The following FOXP2 variants were observed in gnomAD, a reference collection of about 807,000 sequenced individuals.
The protein encoded by FOXP2 is forkhead box protein P2.
In FOXP2, 12 loss-of-function variants were observed where a neutral mutation model predicts 115.8. The ratio of observed to expected loss-of-function variants is 0.10; its 90% CI spans 0.07 to 0.17. The LOEUF is 0.17. Among genes scored for constraint, FOXP2 ranks in the 10% least tolerant of loss-of-function variants. FOXP2 has a pLI of 1.00. For missense variants in FOXP2, 629 were observed against 843.5 expected (o/e 0.75, Z 3.15); for synonymous variants, 328 against 297.7 (o/e 1.10, Z -1.05).
intron 3 of FOXP2, among the ~76,000 whole-genome samples, chr7:114,589,022 A>G (rs959495536): frequency 6.6e-6 from 1 of 152,180 alleles, no homozygotes; most frequent in African/African-American, 2.4e-5. Flanking sequence ...AAACTCGAGT[A>G]TATATTTTTT....
rs112923616 is a variant in FOXP2 at position 114,689,993 on chromosome 7, T to C, written c.*67T>C. On this transcript the variant is annotated 3_prime_UTR_variant, in exon 17 of 17. Coordinates refer to ENST00000350908, the MANE Select transcript of FOXP2 (RefSeq NM_014491.4). Reference sequence around the variant, plus strand: ...GACCTTCATAACCACTCCACAACCATGAATATTTGACAAATTTTTACTGTG... The same window carrying C: ...GACCTTCATAACCACTCCACAACCACGAATATTTGACAAATTTTTACTGTG... The C allele has an allele frequency of 3.8e-6, 6 of 1,588,220 alleles. No individual in the cohort carries two copies. The highest frequency in any genetic ancestry group is 5.2e-6 in the Non-Finnish European group (6 of 1,162,328).
chr7:114,691,320 T>A lies in FOXP2; in HGVS notation c.*1394T>A, dbSNP rs180710388. ...ATAAAAGGTCTAGTAAAGCCAAAAA[T>A]TAATTTCATATTGATTTTAAAGTGA... On this transcript the variant is annotated 3_prime_UTR_variant, in exon 17 of 17. Transcript: ENST00000350908. The A allele has an allele frequency of 1.1e-4, 52 of 452,896 alleles. 1 individual carries two copies. The highest frequency in any genetic ancestry group is 9.0e-4 in the African/African-American group (45 of 49,966). 28.1% of individuals were successfully genotyped at this position (452,896 alleles called of 1,614,324 possible). A position where few individuals can be genotyped will look rare whatever the true frequency, so the allele number is the denominator to read the frequency against.
At position 114,573,063 on chromosome 7, in the gene FOXP2, G is replaced by T. The variant is rs190251171; in HGVS notation, c.258+38357G>T. Among the ~76,000 whole-genome samples, 30 of 151,878 alleles carry T rather than the reference G, an allele frequency of 2.0e-4. 1 individual carries two copies. The highest frequency in any genetic ancestry group is 4.0e-4 in the Non-Finnish European group (27 of 67,802). ...AAGAGCACCAGTATGAGTTAGTGAG[G>T]TCTGGTATGGCTGGTGGGAAAGGAG... On this transcript the variant is annotated intron_variant, in intron 3 of 16. Transcript: ENST00000350908.
chr7:114,162,000 C>T (rs1299059727), upstream of FOXP2, among the ~76,000 whole-genome samples: 1 of 152,086 alleles, frequency 6.6e-6, no homozygotes, highest in African/African-American at 2.4e-5. Context: ...CCAGGATGGT[C>T]GTGAACCCCT....
intron 2 of FOXP2, among the ~76,000 whole-genome samples, chr7:114,448,784 A>C (rs1794945890): frequency 6.6e-6 from 1 of 152,066 alleles, no homozygotes; most frequent in Non-Finnish European, 1.5e-5. Context: ...TTGCAATTTT[A>C]TTTTTTGAGG....
intron 3 of FOXP2, among the ~76,000 whole-genome samples, chr7:114,612,208 T>C (rs1157298484): frequency 6.6e-6 from 1 of 151,964 alleles, no homozygotes; most frequent in Non-Finnish European, 1.5e-5. Flanking sequence ...CTGGAAGATA[T>C]TGAGACTGGA....
chr7:114,299,678 C>A (rs1436607207), intron 2 of FOXP2, among the ~76,000 whole-genome samples: 1 of 151,898 alleles, frequency 6.6e-6, no homozygotes, highest in East Asian at 1.9e-4. Flanking sequence ...TATAAATATT[C>A]TAACTAATAT....
chr7:114,654,761 G>T (rs1049376559), intron 10 of FOXP2, among the ~76,000 whole-genome samples: 1 of 152,122 alleles, frequency 6.6e-6, no homozygotes, highest in Admixed American at 6.6e-5. Flanking sequence ...AAAGTTTGTG[G>T]GATACTTTTT....
chr7:114,552,868 A>G (rs991041721), intron 3 of FOXP2, among the ~76,000 whole-genome samples: 1 of 152,214 alleles, frequency 6.6e-6, no homozygotes, highest in African/African-American at 2.4e-5. Flanking sequence ...TTTTCTCACA[A>G]TCACTATAAC....
chr7:114,201,403 A>G (rs1044942417), intron 1 of FOXP2, among the ~76,000 whole-genome samples: 1 of 152,138 alleles, frequency 6.6e-6, no homozygotes, highest in African/African-American at 2.4e-5. Flanking sequence ...TGGAGGCTTC[A>G]GTGAGCTATG....
At chr7:114,202,925 C>A (rs1301166333) in intron 1 of FOXP2, among the ~76,000 whole-genome samples, 2 of 152,154 alleles carry the variant, frequency 1.3e-5, no homozygotes, top group Non-Finnish European at 2.9e-5. Flanking sequence ...TATCTCCTTC[C>A]ATTTTCCTGG....
intron 2 of FOXP2, among the ~76,000 whole-genome samples, chr7:114,497,513 G>A (rs1180412063): frequency 2.6e-5 from 4 of 152,004 alleles, no homozygotes; most frequent in Non-Finnish European, 4.4e-5. Context: ...GCCAGGTGTG[G>A]TGGTGCACAT....
chr7:114,257,704 C>T lies in FOXP2; in HGVS notation c.-101-30315C>T, dbSNP rs529559016. ...TCCTGACCTTGTGATCCACCAGCTT[C>T]GGCCTCCCAAAGTGCTTGGATTACT... is the stretch of plus-strand genomic sequence containing the variant. On this transcript the variant is annotated intron_variant, in intron 1 of 17. Coordinates refer to the FOXP2 transcript ENST00000634411. Among the ~76,000 whole-genome samples the T allele has an allele frequency of 4.6e-5, 7 of 152,198 alleles. No homozygotes were observed. In the East Asian group the frequency reaches 1.4e-3, roughly 29 times the overall value.
At chr7:114,166,055 A>G (rs1792973168) in intron 1 of FOXP2, among the ~76,000 whole-genome samples, 1 of 152,218 alleles carries the variant, frequency 6.6e-6, no homozygotes, top group Non-Finnish European at 1.5e-5. Flanking sequence ...CTGGACATTT[A>G]TGTGTTAAAA....
intron 1 of FOXP2, among the ~76,000 whole-genome samples, chr7:114,112,071 CTT>C (rs2129142314): frequency 6.6e-6 from 1 of 152,122 alleles, no homozygotes; most frequent in South Asian, 2.1e-4. Flanking sequence ...GCCTGTAAGA[CTT>C]TATGGGCGTA....
chr7:114,672,741 A>C (rs1807556574), intron 16 of FOXP2, among the ~76,000 whole-genome samples: 2 of 152,186 alleles, frequency 1.3e-5, no homozygotes, highest in African/African-American at 4.8e-5. Context: ...CAAAGCAGTC[A>C]GTCTCAGAAA....
At chr7:114,668,987 C>T (rs540212780) in intron 16 of FOXP2, 1 of 152,042 alleles carries the variant, frequency 6.6e-6, no homozygotes, top group South Asian at 2.1e-4. Flanking sequence ...ATATAATGTT[C>T]ATTTTTATGT....
intron 2 of FOXP2, among the ~76,000 whole-genome samples, chr7:114,381,392 C>T (rs1346485194): frequency 2.6e-5 from 4 of 152,166 alleles, no homozygotes; most frequent in African/African-American, 9.7e-5. Context: ...TAAATCATCC[C>T]TGTACCGAAG....
chr7:114,624,620 CA>C (rs1804435425), intron 3 of FOXP2, among the ~76,000 whole-genome samples: 2 of 151,692 alleles, frequency 1.3e-5, no homozygotes, highest in African/African-American at 4.8e-5. Flanking sequence ...TTATGTAAAA[CA>C]AAAATTTTGG....
Sources: allele counts gnomAD v4.1 joint callset (sites outside exome capture counted in the v4.1 genomes callset), GRCh38; gene constraint gnomAD v4.1.1; transcripts MANE v1.5; gene names NCBI Gene and HGNC (gene_info 2026-07-23, HGNC 2026-07-21).